Variants in LUZP2 observed in about 807,000 individuals in gnomAD.
LUZP2 encodes leucine zipper protein 2.
Under a neutral mutation model 51.6 loss-of-function variants are expected in LUZP2, and 52 were observed. The ratio of observed to expected loss-of-function variants is 1.01; its 90% CI spans 0.81 to 1.27. LUZP2 has a LOEUF of 1.27. Ranked by LOEUF, LUZP2 falls within the 50% of genes most tolerant of loss-of-function variation. The pLI, the probability that LUZP2 is intolerant of heterozygous loss-of-function variation, is 0.00. For missense variants in LUZP2, 436 were observed against 395.4 expected, an observed-to-expected ratio of 1.10 and a Z score of -0.87; for synonymous variants, 154 against 137.3, an observed-to-expected ratio of 1.12 and a Z score of -0.85.
At chr11:24,820,208 C>T (rs1350814299) in intron 5 of LUZP2, among the ~76,000 whole-genome samples, 1 of 152,140 alleles carries the variant, frequency 6.6e-6, no homozygotes, top group African/African-American at 2.4e-5. Flanking sequence ...CTTTAGATAA[C>T]ATTTCGTCAG....
chr11:24,673,953 G>T (rs1430665592), intron 1 of LUZP2, among the ~76,000 whole-genome samples: 1 of 152,094 alleles, frequency 6.6e-6, no homozygotes, highest in Non-Finnish European at 1.5e-5. Context: ...ACTTCAAATT[G>T]ATAAATCCCT....
In LUZP2 at chr11:25,010,853, AATAATAATAAC is replaced by A. The variant is rs979845865; in HGVS notation, c.765+27573_765+27583del. 3.3e-3 allele frequency among the ~76,000 whole-genome samples: 500 copies of A among 152,208 alleles called. 3 individuals are homozygous for A. Among genetic ancestry groups the A allele is most frequent in the African/African-American group, 0.011 (476 of 41,526 alleles). ...CAGAGTGAGATACCATCCAAATAAT[AATAATAATAAC>A]ATAATAATAACAACACTGCGAAGTG... On this transcript the variant is annotated intron_variant, in intron 9 of 11. Transcript: ENST00000336930.
intron 9 of LUZP2, among the ~76,000 whole-genome samples, chr11:24,998,064 G>A (rs546819733): frequency 2.6e-5 from 4 of 152,260 alleles, no homozygotes; most frequent in African/African-American, 9.6e-5. Context: ...GATGCCTCCA[G>A]CTTTGTTCTT....
chr11:24,910,957 G>C (rs1019759489), intron 6 of LUZP2, among the ~76,000 whole-genome samples: 1 of 152,174 alleles, frequency 6.6e-6, no homozygotes, highest in African/African-American at 2.4e-5. Context: ...ACAGGGTGCA[G>C]CTGCACAAGG....
chr11:24,975,055 T>C (rs999020960), intron 7 of LUZP2, among the ~76,000 whole-genome samples: 2 of 151,996 alleles, frequency 1.3e-5, no homozygotes, highest in Admixed American at 6.6e-5. Context: ...TTATTGTAAA[T>C]ATTTAAAATA....
At chr11:24,942,594 T>A (rs2133851087) in intron 7 of LUZP2, among the ~76,000 whole-genome samples, 1 of 152,312 alleles carries the variant, frequency 6.6e-6, no homozygotes, top group Non-Finnish European at 1.5e-5. Context: ...AACTAAGTTA[T>A]AATCATCCTT....
intron 1 of LUZP2, among the ~76,000 whole-genome samples, chr11:24,628,171 TCA>T (rs1214227681): frequency 1.3e-5 from 2 of 150,642 alleles, no homozygotes; most frequent in African/African-American, 4.9e-5. Flanking sequence ...AAATTATGAC[TCA>T]CACACTTGCA....
chr11:24,934,987 G>T (rs1854549292), intron 7 of LUZP2, among the ~76,000 whole-genome samples: 1 of 151,796 alleles, frequency 6.6e-6, no homozygotes, highest in African/African-American at 2.4e-5. Context: ...TGTTATTTTT[G>T]AAAAAAAGCT....
intron 7 of LUZP2, among the ~76,000 whole-genome samples, chr11:24,952,645 G>A (rs891545266): frequency 6.6e-6 from 1 of 151,720 alleles, no homozygotes; most frequent in African/African-American, 2.4e-5. Flanking sequence ...CAGTACCTGA[G>A]TTTTATTTTT....
At position 24,681,159 on chromosome 11, in the gene LUZP2, T is replaced by G. The variant is rs992448131; in HGVS notation, c.63-48010T>G. Among the ~76,000 whole-genome samples, 16 of 151,940 alleles carry G rather than the reference T, an allele frequency of 1.1e-4. 1 individual carries two copies. In the South Asian group the frequency reaches 3.1e-3, roughly 30 times the overall value. On this transcript the variant is annotated intron_variant, in intron 1 of 11. Coordinates refer to ENST00000336930, the MANE Select transcript of LUZP2 (RefSeq NM_001009909.4). ...ACCGCGCCCAGCTAATTTTTTGTAT[T>G]TTTAGTAGAGACGGGGTTTCACCTT... is the stretch of plus-strand genomic sequence containing the variant.
chr11:24,914,607 T>A, intron 7 of LUZP2, 69 bp downstream of exon 7: 1 of 1,033,642 alleles, frequency 9.7e-7, no homozygotes, highest in African/African-American at 1.7e-5. Flanking sequence ...AAACATTATT[T>A]AGGTTAAATT....
In LUZP2 at chr11:24,648,077, G is replaced by C. The variant is rs150833466; in HGVS notation, c.63-81092G>C. ...CATGACTTTAATTCTGTAAAATTTTGATCTCTAAGTGTTAGATTCATGTTC... is the reference window on the plus strand; with the variant it reads ...CATGACTTTAATTCTGTAAAATTTTCATCTCTAAGTGTTAGATTCATGTTC... On this transcript the variant is annotated intron_variant, in intron 1 of 11. Transcript: ENST00000336930. 2.6e-5 allele frequency among the ~76,000 whole-genome samples: 4 copies of C among 151,840 alleles called. No homozygotes were observed. The East Asian group carries it at 7.7e-4, about 29-fold the overall frequency.
chr11:24,634,390 T>C (rs915674785), intron 1 of LUZP2, among the ~76,000 whole-genome samples: 2 of 152,038 alleles, frequency 1.3e-5, no homozygotes, highest in Non-Finnish European at 2.9e-5. Context: ...TGTATGGCTA[T>C]CACAGAATTG....
chr11:24,507,025 G>C (rs996338376), intron 1 of LUZP2, among the ~76,000 whole-genome samples: 3 of 151,990 alleles, frequency 2.0e-5, no homozygotes, highest in African/African-American at 7.2e-5. Context: ...AAATAAATCA[G>C]CTAAAATATT....
At chr11:24,941,084 A>G (rs1041336720) in intron 7 of LUZP2, among the ~76,000 whole-genome samples, 13 of 152,336 alleles carry the variant, frequency 8.5e-5, no homozygotes, top group East Asian at 3.9e-4. Flanking sequence ...AGAGGCATAA[A>G]TAGAATTCTC....
At chr11:24,978,517 T>C (rs949503684) in intron 8 of LUZP2, among the ~76,000 whole-genome samples, 1 of 151,758 alleles carries the variant, frequency 6.6e-6, no homozygotes, top group African/African-American at 2.4e-5. Flanking sequence ...CTTCGTTATA[T>C]TAAATGTTCT....
chr11:24,648,057 C>T (rs1855515485), intron 1 of LUZP2, among the ~76,000 whole-genome samples: 1 of 151,850 alleles, frequency 6.6e-6, no homozygotes, highest in Non-Finnish European at 1.5e-5. Flanking sequence ...TCTAGCATGA[C>T]TTTAATTCTG....
At chr11:24,562,570 T>C (rs1284312777) in intron 1 of LUZP2, among the ~76,000 whole-genome samples, 1 of 151,628 alleles carries the variant, frequency 6.6e-6, no homozygotes, top group Non-Finnish European at 1.5e-5. Flanking sequence ...AGAAAGGTTA[T>C]AGGCCGGGCG....
chr11:24,882,658 A>G (rs1357970014), intron 5 of LUZP2, among the ~76,000 whole-genome samples: 2 of 151,620 alleles, frequency 1.3e-5, no homozygotes, highest in Admixed American at 1.3e-4. Context: ...AATGTTGTAC[A>G]GTTAGATTAT....
Sources: gnomAD v4.1 joint callset for allele counts (sites outside exome capture counted in the v4.1 genomes callset) on GRCh38, gnomAD v4.1.1 for gene constraint, MANE v1.5 for transcripts, NCBI Gene and HGNC (gene_info 2026-07-23, HGNC 2026-07-21) for gene names.